Variants in NAV2 observed in about 807,000 individuals in gnomAD.
NAV2 encodes neuron navigator 2.
NAV2 carries 54 observed loss-of-function variants against 223.2 expected under a neutral mutation model. That is an observed-to-expected ratio of 0.24 (90% CI 0.19 to 0.30). NAV2 has a LOEUF of 0.30. Ranked by LOEUF, NAV2 falls within the 10% of genes least tolerant of loss-of-function variation. The pLI is 1.00. For missense variants in NAV2, 2,806 were observed against 3,147.5 expected (o/e 0.89, Z 2.60); for synonymous variants, 1,279 against 1,239.3 (o/e 1.03, Z -0.67).
At chr11:19,888,358 G>A (rs371655973) in intron 5 of NAV2, among the ~76,000 whole-genome samples, 15 of 152,214 alleles carry the variant, frequency 9.9e-5, no homozygotes, top group African/African-American at 1.2e-4. Context: ...GGCAGCATCC[G>A]TTGTGATACC....
intron 6 of NAV2, among the ~76,000 whole-genome samples, chr11:19,901,953 T>C (rs1027756267): frequency 6.6e-6 from 1 of 152,190 alleles, no homozygotes; most frequent in Non-Finnish European, 1.5e-5. Context: ...GCAGAGGGAA[T>C]ACAAGACAAA....
Position 19,456,701 on chromosome 11 carries a change from C to T in NAV2, c.75+105674C>T, listed in dbSNP as rs144368424. Among the ~76,000 whole-genome samples, 250 of 152,312 alleles carry T rather than the reference C, an allele frequency of 1.6e-3. 1 individual carries two copies. Among genetic ancestry groups the T allele is most frequent in the African/African-American group, 5.5e-3 (229 of 41,568 alleles). On this transcript the variant is annotated intron_variant, in intron 1 of 37. Coordinates refer to the NAV2 transcript ENST00000360655. ...GAGAACAAATAAATAACATGTCTGA[C>T]CTCCCAGGTAAAATTGTTAGAGGTG...
At chr11:19,844,991 C>T (rs1407951668) in intron 3 of NAV2, among the ~76,000 whole-genome samples, 1 of 152,140 alleles carries the variant, frequency 6.6e-6, no homozygotes, top group Non-Finnish European at 1.5e-5. Context: ...CTGCCACAGT[C>T]ATTCTATTCT....
At chr11:19,683,345 G>A (rs566372235) in intron 1 of NAV2, among the ~76,000 whole-genome samples, 1 of 152,342 alleles carries the variant, frequency 6.6e-6, no homozygotes, top group African/African-American at 2.4e-5. Context: ...GGAAGGCGGG[G>A]TCAGTGATGT....
chr11:19,958,433 G>T (rs1274046150), intron 10 of NAV2, among the ~76,000 whole-genome samples: 2 of 152,244 alleles, frequency 1.3e-5, no homozygotes, highest in African/African-American at 4.8e-5. Flanking sequence ...AAGGAGGCCA[G>T]TGAGGAAGTG....
intron 1 of NAV2, among the ~76,000 whole-genome samples, chr11:19,382,287 A>G (rs1848869619): frequency 6.6e-6 from 1 of 152,140 alleles, no homozygotes; most frequent in Non-Finnish European, 1.5e-5. Flanking sequence ...TGGCTATAGA[A>G]TTCTTTTTCT....
At chr11:19,748,543 C>A (rs1280635283) in intron 1 of NAV2, among the ~76,000 whole-genome samples, 14 of 152,226 alleles carry the variant, frequency 9.2e-5, no homozygotes, top group Non-Finnish European at 1.9e-4. Flanking sequence ...TCCTCAGGGA[C>A]AAGGGCCAGG....
Position 19,407,213 on chromosome 11 carries a change from G to C in NAV2, c.75+56186G>C, listed in dbSNP as rs543929967. Among the ~76,000 whole-genome samples, 21 of 152,270 alleles carry C rather than the reference G, an allele frequency of 1.4e-4. No homozygotes were observed. The South Asian group carries it at 4.2e-3, about 30-fold the overall frequency. ...CTACTCCGTTTCAGGCATTTTGCAGGGTACTGGAAAGACCACAAACAAGGC... is the reference window on the plus strand; with the variant it reads ...CTACTCCGTTTCAGGCATTTTGCAGCGTACTGGAAAGACCACAAACAAGGC... On this transcript the variant is annotated intron_variant, in intron 1 of 37. Coordinates refer to the NAV2 transcript ENST00000360655.
intron 9 of NAV2, among the ~76,000 whole-genome samples, chr11:19,947,494 T>C (rs929026713): frequency 3.9e-5 from 6 of 152,216 alleles, no homozygotes; most frequent in African/African-American, 1.4e-4. Flanking sequence ...CATCCCTTTT[T>C]CCACCATCGT....
chr11:19,757,159 G>C (rs938343248), intron 1 of NAV2, among the ~76,000 whole-genome samples: 5 of 152,146 alleles, frequency 3.3e-5, no homozygotes, highest in African/African-American at 9.7e-5. Flanking sequence ...TTTTAATGTT[G>C]TTTTGAAGCT....
At chr11:19,443,113 A>T (rs1047228313) in intron 1 of NAV2, among the ~76,000 whole-genome samples, 1 of 152,176 alleles carries the variant, frequency 6.6e-6, no homozygotes, top group Non-Finnish European at 1.5e-5. Flanking sequence ...TCCTCATACC[A>T]CTTCCTTCTT....
intron 1 of NAV2, among the ~76,000 whole-genome samples, chr11:19,510,161 G>T (rs1400202686): frequency 6.6e-6 from 1 of 152,210 alleles, no homozygotes; most frequent in Non-Finnish European, 1.5e-5. Context: ...CACAGGAGTG[G>T]TTGTGGATCT....
At chr11:19,800,672 G>GGTGTGTGTGTGT (rs142402876) in intron 1 of NAV2, among the ~76,000 whole-genome samples, 101 of 145,954 alleles carry the variant, frequency 6.9e-4, no homozygotes, top group Non-Finnish European at 9.6e-4. Context: ...AAGGAGAATG[G>GGTGTGTGTGTGT]GTGTGTGTGT....
intron 1 of NAV2, among the ~76,000 whole-genome samples, chr11:19,481,174 C>T (rs1195098395): frequency 6.6e-6 from 1 of 152,116 alleles, no homozygotes; most frequent in Non-Finnish European, 1.5e-5. Context: ...CCACAGGACC[C>T]TGGAGAATCT....
At chr11:19,967,426 G>C (rs1033239550) in intron 10 of NAV2, among the ~76,000 whole-genome samples, 1 of 151,998 alleles carries the variant, frequency 6.6e-6, no homozygotes, top group African/African-American at 2.4e-5. Flanking sequence ...CAGGTAACAA[G>C]GTGCAGGATT....
At chr11:19,458,121 C>A (rs374766749) in intron 1 of NAV2, among the ~76,000 whole-genome samples, 1 of 152,196 alleles carries the variant, frequency 6.6e-6, no homozygotes, top group South Asian at 2.1e-4. Flanking sequence ...CCCAGCCAGA[C>A]GACTGCATCT....
chr11:19,895,104 C>CTT (rs71050690), intron 6 of NAV2, among the ~76,000 whole-genome samples: 6,296 of 99,014 alleles, frequency 0.064, 512 homozygotes, highest in Middle Eastern at 0.14. Context: ...CTTTTTCTTT[C>CTT]TTTTTTTTTT....
intron 1 of NAV2, among the ~76,000 whole-genome samples, chr11:19,691,685 T>C (rs1238884389): frequency 6.6e-6 from 1 of 152,176 alleles, no homozygotes; most frequent in Non-Finnish European, 1.5e-5. Flanking sequence ...CTCCCGCCTC[T>C]TGGTTCTTCC....
intron 1 of NAV2, among the ~76,000 whole-genome samples, chr11:19,590,427 G>A (rs2046027446): frequency 6.6e-6 from 1 of 152,090 alleles, no homozygotes; most frequent in Admixed American, 6.5e-5. Context: ...ACCCAGGACT[G>A]CCTCCCAGCT....
Sources: allele counts gnomAD v4.1 joint callset (sites outside exome capture counted in the v4.1 genomes callset), GRCh38; gene constraint gnomAD v4.1.1; transcripts MANE v1.5; gene names NCBI Gene and HGNC (gene_info 2026-07-23, HGNC 2026-07-21).